The following PPP1R12B variants were observed in gnomAD, a reference collection of about 807,000 sequenced individuals.
PPP1R12B encodes protein phosphatase 1 regulatory subunit 12B.
A neutral mutation model predicts 126.1 loss-of-function variants in PPP1R12B; 76 were observed. The observed-to-expected ratio is 0.60, with a 90% CI of 0.50 to 0.73. The LOEUF (loss-of-function observed/expected upper bound fraction) is 0.73. Among genes scored for constraint, PPP1R12B ranks in the 30% least tolerant of loss-of-function variants. The pLI is 0.00. For missense variants in PPP1R12B, 1,052 were observed against 1,205.1 expected (o/e 0.87, Z 1.88); for synonymous variants, 356 against 434.7 (o/e 0.82, Z 2.25).
At chr1:202,386,857 A>G (rs1663228993) in intron 1 of PPP1R12B, among the ~76,000 whole-genome samples, 1 of 152,102 alleles carries the variant, frequency 6.6e-6, no homozygotes, top group Admixed American at 6.6e-5. Context: ...ATTTTCGCCT[A>G]AGGACTTTGC....
chr1:202,361,464 C>A (rs1483030232), intron 1 of PPP1R12B, among the ~76,000 whole-genome samples: 2 of 152,126 alleles, frequency 1.3e-5, no homozygotes, highest in African/African-American at 4.8e-5. Flanking sequence ...AATCAGATCT[C>A]CTGTGAAGAG....
chr1:202,420,600 C>T (rs992583239), intron 2 of PPP1R12B, among the ~76,000 whole-genome samples: 2 of 152,118 alleles, frequency 1.3e-5, no homozygotes, highest in Non-Finnish European at 2.9e-5. Flanking sequence ...TTTGATATTT[C>T]AGGGTTGGGG....
intron 23 of PPP1R12B, among the ~76,000 whole-genome samples, chr1:202,572,063 A>G (rs1011272399): frequency 2.6e-5 from 4 of 152,226 alleles, no homozygotes; most frequent in African/African-American, 9.6e-5. Flanking sequence ...CTGGCCCTAA[A>G]AGAGTCTAAG....
intron 10 of PPP1R12B, chr1:202,438,751 T>C (rs760038151): frequency 7.1e-6 from 5 of 706,426 alleles, no homozygotes; most frequent in African/African-American, 3.5e-5. Context: ...GAGAACAGCA[T>C]GTGGGAGCTG....
intron 1 of PPP1R12B, among the ~76,000 whole-genome samples, chr1:202,378,846 AAACGCTT>A (rs1315652361): frequency 6.6e-6 from 1 of 152,170 alleles, no homozygotes; most frequent in Non-Finnish European, 1.5e-5. Context: ...ATATGAATTA[AAACGCTT>A]ATTCTTTGGC....
intron 1 of PPP1R12B, among the ~76,000 whole-genome samples, chr1:202,391,027 C>T (rs1351564391): frequency 6.6e-6 from 1 of 152,076 alleles, no homozygotes; most frequent in Admixed American, 6.6e-5. Context: ...CGTGCCACCG[C>T]ACTGCAGGCT....
intron 18 of PPP1R12B, among the ~76,000 whole-genome samples, chr1:202,513,086 G>T (rs554139232): frequency 5.9e-5 from 9 of 152,266 alleles, no homozygotes; most frequent in Non-Finnish European, 1.3e-4. Flanking sequence ...CAGTTCTACT[G>T]CTTCAGCCTC....
At chr1:202,411,818 T>C (rs1418807476) in intron 1 of PPP1R12B, among the ~76,000 whole-genome samples, 3 of 152,180 alleles carry the variant, frequency 2.0e-5, no homozygotes, top group Non-Finnish European at 1.5e-5. Context: ...CCCTGGTCTG[T>C]CTGACTCCAA....
intron 1 of PPP1R12B, among the ~76,000 whole-genome samples, chr1:202,360,509 G>C (rs1657971331): frequency 1.3e-5 from 2 of 152,058 alleles, no homozygotes; most frequent in Non-Finnish European, 2.9e-5. Context: ...AGGTGTTCGA[G>C]ACCAGCCTGC....
At chr1:202,365,658 T>C (rs1350418772) in intron 1 of PPP1R12B, among the ~76,000 whole-genome samples, 1 of 152,126 alleles carries the variant, frequency 6.6e-6, no homozygotes, top group East Asian at 1.9e-4. Flanking sequence ...AAGCTTTTAG[T>C]CTTCTACCTA....
At chr1:202,456,295 A>G (rs1673630780) in intron 13 of PPP1R12B, among the ~76,000 whole-genome samples, 1 of 152,036 alleles carries the variant, frequency 6.6e-6, no homozygotes, top group South Asian at 2.1e-4. Flanking sequence ...GAAAGAAAGA[A>G]AGAAAGAAAT....
At chr1:202,417,370 A>C (rs1226945331) in intron 2 of PPP1R12B, 5 of 985,344 alleles carry the variant, frequency 5.1e-6, no homozygotes, top group Admixed American at 1.2e-4. Flanking sequence ...TAATCGCAGA[A>C]GAATGAGCCT....
intron 18 of PPP1R12B, among the ~76,000 whole-genome samples, chr1:202,531,293 G>T (rs1274331315): frequency 1.3e-5 from 2 of 152,192 alleles, no homozygotes; most frequent in African/African-American, 4.8e-5. Context: ...GCTGTGTGCT[G>T]TTGATGGTCT....
At chr1:202,554,420 ACTGCATCCAAAG>A (rs1686667491) in intron 18 of PPP1R12B, among the ~76,000 whole-genome samples, 1 of 152,132 alleles carries the variant, frequency 6.6e-6, no homozygotes, top group African/African-American at 2.4e-5. Context: ...TGTTACTCCT[ACTGCATCCAAAG>A]CTCACTAATC....
chr1:202,439,948 A>ACAAAC (rs1293246456), intron 10 of PPP1R12B: 95 of 164,718 alleles, frequency 5.8e-4, no homozygotes, highest in African/African-American at 2.1e-3. Context: ...CCCTGCAAAA[A>ACAAAC]AAAAAAAAAA....
At chr1:202,392,168 AC>A (rs1479015185) in intron 1 of PPP1R12B, among the ~76,000 whole-genome samples, 1 of 152,120 alleles carries the variant, frequency 6.6e-6, no homozygotes, top group Non-Finnish European at 1.5e-5. Flanking sequence ...ATGTGTCCAT[AC>A]AACACTTACA....
At chr1:202,564,634 A>G (rs1687886484) in intron 21 of PPP1R12B, 87 bp downstream of exon 21, 1 of 1,080,868 alleles carries the variant, frequency 9.3e-7, no homozygotes, top group Non-Finnish European at 1.4e-6. Flanking sequence ...GACAGGAAGT[A>G]AGATAGAGTC....
chr1:202,559,745 TC>T (rs1387543829), intron 19 of PPP1R12B, among the ~76,000 whole-genome samples: 1 of 152,184 alleles, frequency 6.6e-6, no homozygotes, highest in Admixed American at 6.6e-5. Flanking sequence ...ATGTTCTTCT[TC>T]TGCTTGCCCT....
intron 13 of PPP1R12B, among the ~76,000 whole-genome samples, chr1:202,453,313 G>C (rs1673235638): frequency 6.6e-6 from 1 of 152,128 alleles, no homozygotes; most frequent in African/African-American, 2.4e-5. Context: ...AACCATCCTT[G>C]CATCCCTGGG....
Sources: allele counts gnomAD v4.1 joint callset (sites outside exome capture counted in the v4.1 genomes callset), GRCh38; gene constraint gnomAD v4.1.1; transcripts MANE v1.5; gene names NCBI Gene and HGNC (gene_info 2026-07-23, HGNC 2026-07-21).